The following CACNA1C variants were observed in gnomAD, a reference collection of about 807,000 sequenced individuals.
CACNA1C encodes calcium voltage-gated channel subunit alpha1 C.
CACNA1C carries 30 observed loss-of-function variants against 229.0 expected under a neutral mutation model. The observed-to-expected ratio is 0.13, with a 90% CI of 0.10 to 0.18. The LOEUF is 0.18. Ranked by LOEUF, CACNA1C falls within the 10% of genes least tolerant of loss-of-function variation. The pLI is 1.00. For synonymous variants in CACNA1C, 1,114 were observed against 1,132.5 expected (o/e 0.98, Z 0.33); for missense variants, 1,658 against 2,845.0 (o/e 0.58, Z 9.49).
chr12:2,291,024 A>T (rs914789803), intron 3 of CACNA1C, among the ~76,000 whole-genome samples: 4 of 152,296 alleles, frequency 2.6e-5, no homozygotes, highest in Non-Finnish European at 4.4e-5. Context: ...CCCCAGTTCT[A>T]CCAATTCCAG....
intron 13 of CACNA1C, among the ~76,000 whole-genome samples, chr12:2,572,470 CTCCTTCTCCTCT>C (rs2055818428): frequency 1.4e-5 from 1 of 71,704 alleles, no homozygotes; most frequent in African/African-American, 5.8e-5. Flanking sequence ...CCTCCTCTTC[CTCCTTCTCCTCT>C]TCCTCCTCCT....
At chr12:2,223,835 TAA>T (rs1338338359) in intron 3 of CACNA1C, among the ~76,000 whole-genome samples, 1 of 152,222 alleles carries the variant, frequency 6.6e-6, no homozygotes, top group Non-Finnish European at 1.5e-5. Flanking sequence ...TATTATTATT[TAA>T]GAGTTTGAAG....
chr12:2,618,573 G>C (rs1369092338), intron 29 of CACNA1C, among the ~76,000 whole-genome samples: 3 of 152,254 alleles, frequency 2.0e-5, no homozygotes, highest in African/African-American at 7.2e-5. Flanking sequence ...GCCAGGGCCA[G>C]AATTCCTCTA....
intron 11 of CACNA1C, among the ~76,000 whole-genome samples, chr12:2,560,083 C>T (rs551621831): frequency 3.9e-5 from 6 of 152,282 alleles, no homozygotes; most frequent in South Asian, 4.1e-4. Context: ...TTCCCATGCA[C>T]GGTAGCTGCA....
intron 3 of CACNA1C, among the ~76,000 whole-genome samples, chr12:2,165,643 G>A (rs2096177491): frequency 6.6e-6 from 1 of 152,306 alleles, no homozygotes; most frequent in South Asian, 2.1e-4. Flanking sequence ...ACTTAACCTG[G>A]CTTAAGATGA....
intron 3 of CACNA1C, among the ~76,000 whole-genome samples, chr12:2,434,636 G>A (rs1158935476): frequency 2.6e-5 from 4 of 152,194 alleles, no homozygotes; most frequent in South Asian, 2.1e-4. Context: ...AAGAAACTGC[G>A]GTCTGGCAAG....
rs1202646831 is a variant in CACNA1C at position 2,597,117 on chromosome 12, A to G, written c.2794-113A>G. The G allele has an allele frequency of 2.7e-5, 19 of 710,306 alleles. No homozygotes were observed. Among genetic ancestry groups the G allele is most frequent in the Non-Finnish European group, 4.6e-5 (18 of 393,320 alleles). 44.0% of individuals were successfully genotyped at this position (710,306 alleles called of 1,614,324 possible). ...CTGTGCAAAGGCTTAAGTGCCAGGCATCTCATTTTGAAGTGTGGCCCCTTT... is the reference window on the plus strand; with the variant it reads ...CTGTGCAAAGGCTTAAGTGCCAGGCGTCTCATTTTGAAGTGTGGCCCCTTT... On this transcript the variant is annotated intron_variant, in intron 20 of 46. Transcript: ENST00000399655. The surrounding 1 kb of genome is among the most constrained non-coding windows in gnomAD (Gnocchi z 4.3).
intron 29 of CACNA1C, among the ~76,000 whole-genome samples, chr12:2,625,834 T>C (rs1005956276): frequency 6.6e-6 from 1 of 151,956 alleles, no homozygotes; most frequent in Non-Finnish European, 1.5e-5. Flanking sequence ...GGCACACACC[T>C]GTAGTCCCAG....
At position 2,689,561 on chromosome 12, in the gene CACNA1C, C is replaced by T. The variant is rs1032436867; in HGVS notation, c.6117+782C>T. Among the ~76,000 whole-genome samples the T allele has an allele frequency of 6.6e-6, 1 of 152,012 alleles. No individual in the cohort carries two copies. ...ATGAGCTCTTCCAAGATGAGAGGGGCTTGCCTGAAAGGTAGTGAGCCCCCC... is the reference window on the plus strand; with the variant it reads ...ATGAGCTCTTCCAAGATGAGAGGGGTTTGCCTGAAAGGTAGTGAGCCCCCC... On this transcript the variant is annotated intron_variant, in intron 46 of 46. Coordinates refer to ENST00000399655, the MANE Select transcript of CACNA1C (RefSeq NM_000719.7). This position sits in a 1 kb window ranked among gnomAD's most constrained non-coding sequence, Gnocchi z 4.2.
At chr12:2,020,845 C>G (rs1358532896) in intron 1 of CACNA1C, among the ~76,000 whole-genome samples, 3 of 152,152 alleles carry the variant, frequency 2.0e-5, no homozygotes, top group African/African-American at 4.8e-5. Flanking sequence ...CTTGAATGCC[C>G]TTGGCCATGA....
chr12:2,443,568 G>A (rs532558052), intron 3 of CACNA1C, among the ~76,000 whole-genome samples: 130 of 152,266 alleles, frequency 8.5e-4, no homozygotes, highest in Admixed American at 7.9e-3. Context: ...AAAGCTTCCC[G>A]TTTCCCAAGA....
chr12:2,220,855 C>CT (rs1338032309), intron 3 of CACNA1C: 1 of 152,180 alleles, frequency 6.6e-6, no homozygotes, highest in Non-Finnish European at 1.5e-5. Context: ...TTTACATTCT[C>CT]TGTGCATATG....
At chr12:2,577,071 G>A (rs2058676427) in intron 13 of CACNA1C, among the ~76,000 whole-genome samples, 1 of 152,206 alleles carries the variant, frequency 6.6e-6, no homozygotes, top group African/African-American at 2.4e-5. Flanking sequence ...CCTTTATCCT[G>A]CTGCAAAGGA....
chr12:1,984,181 T>C (rs2036966644), intron 1 of CACNA1C, among the ~76,000 whole-genome samples: 3 of 152,094 alleles, frequency 2.0e-5, no homozygotes, highest in South Asian at 4.1e-4. Context: ...TTTAATCCAA[T>C]CTGGCAATCT....
At position 2,231,042 on chromosome 12, in the gene CACNA1C, C is replaced by T. The variant is rs576386276; in HGVS notation, c.477+110612C>T. ...TTTTTGGAAATAACATATACAGATA[C>T]GCACAAAGGTCAGAAAGGGAAAATA... On this transcript the variant is annotated intron_variant, in intron 3 of 46. Transcript: ENST00000399655. Among the ~76,000 whole-genome samples, 9 of 152,288 alleles carry T rather than the reference C, an allele frequency of 5.9e-5. 1 individual carries two copies. In the South Asian group the frequency reaches 1.0e-3, roughly 18 times the overall value.
At chr12:2,465,107 G>C (rs1358644953) in intron 5 of CACNA1C, among the ~76,000 whole-genome samples, 1 of 152,180 alleles carries the variant, frequency 6.6e-6, no homozygotes, top group African/African-American at 2.4e-5. Flanking sequence ...ATGAGTTAAG[G>C]CACGCAAAGC....
intron 1 of CACNA1C, among the ~76,000 whole-genome samples, chr12:2,008,923 C>T (rs1593593880): frequency 6.6e-6 from 1 of 152,184 alleles, no homozygotes; most frequent in East Asian, 1.9e-4. Flanking sequence ...TGCCTTCTTT[C>T]TATTTGAATA....
chr12:2,305,598 C>G (rs182623313), intron 3 of CACNA1C, among the ~76,000 whole-genome samples: 3 of 152,294 alleles, frequency 2.0e-5, no homozygotes, highest in Admixed American at 1.3e-4. Context: ...AGTCCCAGCT[C>G]TTTGGGAGGC....
chr12:2,199,412 TAATG>T (rs1182932018), intron 3 of CACNA1C, among the ~76,000 whole-genome samples: 3 of 152,170 alleles, frequency 2.0e-5, no homozygotes, highest in Non-Finnish European at 4.4e-5. Flanking sequence ...CACTTCTACT[TAATG>T]AATAGTAAAT....
Sources: gnomAD v4.1 joint callset for allele counts (sites outside exome capture counted in the v4.1 genomes callset) on GRCh38, gnomAD v4.1.1 for gene constraint, Gnocchi (gnomAD v3.1) non-coding constraint, MANE v1.5 for transcripts, NCBI Gene and HGNC (gene_info 2026-07-23, HGNC 2026-07-21) for gene names.